CLEC17A: variants seen among roughly 807,000 people sequenced by gnomAD.
The protein encoded by CLEC17A is C-type lectin domain containing 17A.
Under a neutral mutation model 61.3 loss-of-function variants are expected in CLEC17A, and 37 were observed. The observed-to-expected ratio is 0.60, with a 90% CI of 0.46 to 0.79. The LOEUF is 0.79. CLEC17A is among the 30% of genes least tolerant of loss of function. The pLI is 0.00. For missense variants in CLEC17A, 418 were observed against 464.7 expected (o/e 0.90, Z 0.92); for synonymous variants, 168 against 164.9 (o/e 1.02, Z -0.14).
intron 12 of CLEC17A, among the ~76,000 whole-genome samples, chr19:14,602,089 GC>G (rs2074734741): frequency 6.6e-6 from 1 of 152,028 alleles, no homozygotes; most frequent in South Asian, 2.1e-4. Flanking sequence ...ACCGCGCCTG[GC>G]CCAGCAAATT....
upstream of CLEC17A, among the ~76,000 whole-genome samples, chr19:14,581,637 T>C (rs117733330): frequency 6.7e-6 from 1 of 149,248 alleles, no homozygotes; most frequent in East Asian, 2.0e-4. Flanking sequence ...TGGCCAGAAA[T>C]GGATTATATG....
At chr19:14,602,233 T>G (rs561183661) in intron 12 of CLEC17A, among the ~76,000 whole-genome samples, 1 of 152,280 alleles carries the variant, frequency 6.6e-6, no homozygotes, top group South Asian at 2.1e-4. Flanking sequence ...ATAGTTGGGT[T>G]TGGATTTTTA....
chr19:14,591,189 C>G lies in CLEC17A; in HGVS notation c.200-1092C>G, dbSNP rs189213021. Reference sequence around the variant, plus strand: ...TTTTTTTTTGAGACAGAGTTTTGCTCTGTCGCCCAGGCTGGAGTGCAGTGG... The same window carrying G: ...TTTTTTTTTGAGACAGAGTTTTGCTGTGTCGCCCAGGCTGGAGTGCAGTGG... On this transcript the variant is annotated intron_variant, in intron 3 of 13. Coordinates refer to ENST00000417570, the MANE Select transcript of CLEC17A (RefSeq NM_001204118.2). 4.6e-3 allele frequency among the ~76,000 whole-genome samples: 686 copies of G among 149,996 alleles called. 7 individuals are homozygous for G. The highest frequency in any genetic ancestry group is 0.015 in the African/African-American group (623 of 40,776).
intron 3 of CLEC17A, chr19:14,588,493 G>T (rs1336389548): frequency 6.6e-6 from 1 of 151,966 alleles, no homozygotes; most frequent in Non-Finnish European, 1.5e-5. Flanking sequence ...TCAATATGGT[G>T]ATGTTTTGGG....
chr19:14,594,883 AT>A (rs1000436052), intron 7 of CLEC17A, 83 bp downstream of exon 7: 118 of 1,339,404 alleles, frequency 8.8e-5, no homozygotes, highest in Middle Eastern at 2.4e-4. Context: ...TTATTTATTT[AT>A]TTTTTTTGAG....
chr19:14,581,593 A>C (rs2074183107), upstream of CLEC17A, among the ~76,000 whole-genome samples: 1 of 151,772 alleles, frequency 6.6e-6, no homozygotes, highest in Non-Finnish European at 1.5e-5. Flanking sequence ...GAGCCTCCCG[A>C]AGTGTTGGGA....
At chr19:14,587,923 T>G (rs1173979108) in intron 3 of CLEC17A, among the ~76,000 whole-genome samples, 1 of 151,804 alleles carries the variant, frequency 6.6e-6, no homozygotes, top group East Asian at 1.9e-4. Context: ...ATTGGCAAAA[T>G]CCTTGGGGGA....
intron 12 of CLEC17A, among the ~76,000 whole-genome samples, chr19:14,602,715 G>C (rs1469089775): frequency 1.3e-5 from 2 of 151,290 alleles, no homozygotes; most frequent in Non-Finnish European, 2.9e-5. Flanking sequence ...CTGTTTCATA[G>C]CATTATTTGT....
chr19:14,600,183 G>A lies in CLEC17A; in HGVS notation c.894+1G>A, dbSNP rs1332117654. The A allele has an allele frequency of 3.7e-6, 6 of 1,613,754 alleles. No individual in the cohort carries two copies. The highest frequency in any genetic ancestry group is 5.1e-6 in the Non-Finnish European group (6 of 1,179,782). On this transcript the variant is annotated splice_donor_variant, in intron 12 of 13. Transcript: ENST00000417570. LOFTEE classifies it high-confidence loss of function. ...CATCATCAATAGCTTTGCTGAGCAC[G>A]TGAGTTCTTCCCACTGAACCTTTGA...
rs1392715792 is a variant in CLEC17A, at chr19:14,610,823, A to G, written c.*627A>G. On this transcript the variant is annotated 3_prime_UTR_variant, in exon 14 of 14. Coordinates refer to ENST00000417570, the MANE Select transcript of CLEC17A (RefSeq NM_001204118.2). ...GGTGTGAGCCACTGTGCCTGGCTCA[A>G]AATTATTATTATTATTTTTATAGAG... The G allele has an allele frequency of 6.6e-6, 1 of 151,990 alleles. No homozygotes were observed. The highest frequency in any genetic ancestry group is 1.5e-5 in the Non-Finnish European group (1 of 68,044). The allele number at this position is 151,990 out of a possible 1,614,324, so 9.4% of individuals were successfully genotyped here.
In CLEC17A at chr19:14,607,079, G is replaced by C; in HGVS notation, c.981G>C (p.Leu327=). 7.5e-7 allele frequency: 1 copy of C among 1,329,190 alleles called. No homozygotes were observed. The highest frequency in any genetic ancestry group is 1.5e-5 in the African/African-American group (1 of 66,932). The allele number at this position is 1,329,190 out of a possible 1,614,324, so 82.3% of individuals were successfully genotyped here. ...DRAQEGDWRW[L]DGSPVTLSFW... ...CCCAGGAAGGGGACTGGAGGTGGCTGGATGGGTCTCCTGTGACATTAAGGC... is the reference window on the plus strand; with the variant it reads ...CCCAGGAAGGGGACTGGAGGTGGCTCGATGGGTCTCCTGTGACATTAAGGC... Residue 327 remains leucine, a synonymous_variant, in exon 13 of 14, where the codon CTG becomes CTC. Coordinates refer to ENST00000417570, the MANE Select transcript of CLEC17A (RefSeq NM_001204118.2).
In CLEC17A at chr19:14,600,166, A is replaced by G. The variant is rs2074668773; in HGVS notation, c.878A>G (p.Asn293Ser). The G allele has an allele frequency of 6.2e-7, 1 of 1,614,026 alleles. No homozygotes were observed. The highest frequency in any genetic ancestry group is 1.1e-5 in the South Asian group (1 of 91,088). Reference protein sequence around the residue: ...QENYSHLVIINSFAEHNFVAK... With the variant: ...QENYSHLVIISSFAEHNFVAK... ...AATTACTCTCACTTGGTCATCATCA[A>G]TAGCTTTGCTGAGCACGTGAGTTCT... is the stretch of plus-strand genomic sequence containing the variant. Residue 293 changes from asparagine to serine, a missense_variant, in exon 12 of 14, where the codon AAT becomes AGT. By Grantham distance (46) the Asn-to-Ser change is conservative (BLOSUM62 1). Transcript: ENST00000417570.
rs368805672 is a variant in CLEC17A, at chr19:14,597,708, C to T, written c.646+547C>T. ...GAGCCATGATCACACTCAAGAGATC[C>T]TCCTGCCTCAGCCTCTTGAGTAGCT... On this transcript the variant is annotated intron_variant, in intron 10 of 13. Transcript: ENST00000417570. Among the ~76,000 whole-genome samples the T allele has an allele frequency of 1.0e-3, 155 of 152,270 alleles. 3 individuals are homozygous for T. In the South Asian group the frequency reaches 0.032, roughly 31 times the overall value.
rs1267399588 is a variant in CLEC17A at position 14,608,059 on chromosome 19, A to G, written c.1004+957A>G. Among the ~76,000 whole-genome samples, 4 of 152,018 alleles carry G rather than the reference A, an allele frequency of 2.6e-5. No homozygotes were observed. In the South Asian group the frequency reaches 6.2e-4, roughly 24 times the overall value. The stretch of plus-strand genomic sequence containing the variant: ...CTAATTTTTTGTATTTTTAGTAGAG[A>G]TGGGGTTTTAGTGTGTTGCCCAGGC... On this transcript the variant is annotated intron_variant, in intron 13 of 13. Coordinates refer to ENST00000417570, the MANE Select transcript of CLEC17A (RefSeq NM_001204118.2).
At position 14,599,864 on chromosome 19, in the gene CLEC17A, C is replaced by T. The variant is rs146693263; in HGVS notation, c.742+52C>T. 4.1e-5 allele frequency: 62 copies of T among 1,521,724 alleles called. 2 individuals are homozygous for T. The African/African-American group carries it at 7.2e-4, about 18-fold the overall frequency. The allele number at this position is 1,521,724 out of a possible 1,614,324, so 94.3% of individuals were successfully genotyped here. A position where few individuals can be genotyped will look rare whatever the true frequency, so the allele number is the denominator to read the frequency against. On this transcript the variant is annotated intron_variant, in intron 11 of 13. Transcript: ENST00000417570. ...GGGATGGGGGGCATGGCAGAGCTGG[C>T]ACATTACATCACTCCATTGAAGTCA...
intron 3 of CLEC17A, among the ~76,000 whole-genome samples, chr19:14,591,077 G>A (rs71334730): frequency 1.3e-5 from 2 of 152,064 alleles, no homozygotes; most frequent in East Asian, 1.9e-4. Context: ...TTCCACCCAG[G>A]ACTTGGTGCT....
At chr19:14,602,539 C>T (rs191811492) in intron 12 of CLEC17A, among the ~76,000 whole-genome samples, 112 of 151,114 alleles carry the variant, frequency 7.4e-4, no homozygotes, top group Non-Finnish European at 4.6e-4. Context: ...AGTGATCTGC[C>T]GCCTTCACCT....
chr19:14,581,569 T>G (rs981224928), upstream of CLEC17A, among the ~76,000 whole-genome samples: 24 of 152,030 alleles, frequency 1.6e-4, no homozygotes, highest in Admixed American at 2.6e-4. Flanking sequence ...TGACCTCAAG[T>G]GATCCACCTG....
intron 10 of CLEC17A, among the ~76,000 whole-genome samples, chr19:14,598,277 ACTTT>A (rs1464974044): frequency 6.6e-6 from 1 of 151,610 alleles, no homozygotes; most frequent in African/African-American, 2.4e-5. Flanking sequence ...GCACAGCAAG[ACTTT>A]CTTTCGTTTG....
Sources: gnomAD v4.1 joint callset for allele counts (sites outside exome capture counted in the v4.1 genomes callset) on GRCh38, gnomAD v4.1.1 for gene constraint, MANE v1.5 for transcripts, NCBI Gene and HGNC (gene_info 2026-07-23, HGNC 2026-07-21) for gene names.